The following MYOF variants were observed in gnomAD, a reference collection of about 807,000 sequenced individuals.
The protein encoded by MYOF is myoferlin.
MYOF carries 244 observed loss-of-function variants against 284.2 expected under a neutral mutation model. That is an observed-to-expected ratio of 0.86 (90% CI 0.77 to 0.95). The LOEUF (loss-of-function observed/expected upper bound fraction) is 0.95. Among genes scored for constraint, MYOF ranks in the 40% least tolerant of loss-of-function variants. The pLI is 0.00. For synonymous variants in MYOF, 904 were observed against 919.7 expected (o/e 0.98, Z 0.31); for missense variants, 2,496 against 2,560.6 (o/e 0.97, Z 0.54).
intron 5 of MYOF, among the ~76,000 whole-genome samples, chr10:93,412,074 G>A (rs1564697566): frequency 6.6e-6 from 1 of 152,192 alleles, no homozygotes; most frequent in South Asian, 2.1e-4. Flanking sequence ...GGACCTTAGA[G>A]ATCCTTGATC....
intron 38 of MYOF, 52 bp from the exon 39 acceptor site, chr10:93,340,216 C>T: frequency 6.2e-7 from 1 of 1,605,744 alleles, no homozygotes; most frequent in East Asian, 2.2e-5. Context: ...TAACAGGTCA[C>T]ATAGATATGG....
Position 93,404,051 on chromosome 10 carries a change from C to T in MYOF, c.815G>A (p.Arg272Gln), listed in dbSNP as rs745490419. The change falls in exon 9 of 54, where the codon CGG becomes CAG. Residue 272 changes from arginine to glutamine, a missense_variant. Arg to Gln is a conservative substitution (Grantham distance 43). Around this residue, in one of 3 missense-constraint regions of MYOF, gnomAD observed 2,436 missense variants for 2,480.7 expected, o/e 0.98. Transcript: ENST00000359263. ...SIRVYNSHSL[R>Q]ADCLMGEFKI... ...AAATTCCCCCATCAGACAATCTGCCCGCAGAGAGTGAGAATTATAAACCTG... is the reference window on the plus strand; with the variant it reads ...AAATTCCCCCATCAGACAATCTGCCTGCAGAGAGTGAGAATTATAAACCTG... The T allele has an allele frequency of 3.7e-6, 6 of 1,613,926 alleles. No homozygotes were observed. Among genetic ancestry groups the T allele is most frequent in the African/African-American group, 2.7e-5 (2 of 74,888 alleles).
At chr10:93,336,378 G>A (rs1008736720) in intron 40 of MYOF, among the ~76,000 whole-genome samples, 3 of 152,076 alleles carry the variant, frequency 2.0e-5, no homozygotes, top group African/African-American at 7.3e-5. Flanking sequence ...TCCACACAAT[G>A]GAATACTACT....
intron 12 of MYOF, among the ~76,000 whole-genome samples, chr10:93,400,473 C>T (rs1847228105): frequency 1.3e-5 from 2 of 151,936 alleles, no homozygotes; most frequent in African/African-American, 4.8e-5. Context: ...GCCCATTTGA[C>T]ACATTTTTGA....
chr10:93,431,396 G>A lies in MYOF; in HGVS notation c.345+12C>T. The A allele has an allele frequency of 6.2e-7, 1 of 1,611,146 alleles. No homozygotes were observed. Among genetic ancestry groups the A allele is most frequent in the Non-Finnish European group, 8.5e-7 (1 of 1,177,554 alleles). On this transcript the variant is annotated intron_variant, in intron 4 of 53. Transcript: ENST00000359263. ...CACTTCAAAGCCATTCAATAAGAGA[G>A]AAAACACTCACCCCAGTATCTTGCC...
chr10:93,373,541 A>G (rs1387748768), intron 23 of MYOF, among the ~76,000 whole-genome samples: 1 of 152,172 alleles, frequency 6.6e-6, no homozygotes, highest in Non-Finnish European at 1.5e-5. Context: ...TATAAAGAAG[A>G]TAATCCAGCT....
intron 3 of MYOF, among the ~76,000 whole-genome samples, chr10:93,437,961 A>G (rs1162738047): frequency 6.6e-6 from 1 of 152,186 alleles, no homozygotes; most frequent in Non-Finnish European, 1.5e-5. Flanking sequence ...GGAGCTCCTG[A>G]GCCTCCTCCT....
At chr10:93,406,816 A>C (rs1329893101) in intron 7 of MYOF, among the ~76,000 whole-genome samples, 1 of 152,082 alleles carries the variant, frequency 6.6e-6, no homozygotes, top group Non-Finnish European at 1.5e-5. Flanking sequence ...GGCATAGAAG[A>C]AATCATTTCT....
rs1842474202 is a variant in MYOF at position 93,313,198 on chromosome 10, A to G, written c.5711T>C (p.Leu1904Pro). The G allele has an allele frequency of 3.1e-6, 5 of 1,612,920 alleles. No individual in the cohort carries two copies. The highest frequency in any genetic ancestry group is 1.3e-5 in the African/African-American group (1 of 74,894). ...AGGAATGATCGTGTGACGCAAGTCA[A>G]GTTCTAGGAAACCTAGCCAAGGAAA... ...SLDDYLGFLE[L>P]DLRHTIIPAK... Residue 1904 changes from leucine (L) to proline (P), a missense_variant, in exon 51 of 54, where the codon CTT (leucine) becomes CCT (proline). Around this residue, in one of 3 missense-constraint regions of MYOF, gnomAD observed 2,436 missense variants for 2,480.7 expected, o/e 0.98. Transcript: ENST00000359263.
chr10:93,318,874 G>A (rs912290833), intron 49 of MYOF, among the ~76,000 whole-genome samples: 1 of 152,160 alleles, frequency 6.6e-6, no homozygotes, highest in Non-Finnish European at 1.5e-5. Context: ...TGTGGGGAGA[G>A]GAGGAAGCTG....
intron 15 of MYOF, 145 bp from the exon 16 acceptor site, chr10:93,396,369 CA>C: frequency 1.8e-6 from 1 of 560,814 alleles, no homozygotes. Context: ...TAGTGGGCCT[CA>C]AACTTTATTG....
At chr10:93,340,833 G>C (rs945453661) in intron 38 of MYOF, among the ~76,000 whole-genome samples, 2 of 152,124 alleles carry the variant, frequency 1.3e-5, no homozygotes, top group African/African-American at 4.8e-5. Flanking sequence ...AACTGGGAAG[G>C]GGGGCTTGAA....
chr10:93,353,868 G>T lies in MYOF; in HGVS notation c.3424C>A (p.Arg1142Ser), dbSNP rs543442746. ...TTTCTGGCTTGATAGACATAGCAGC[G>T]CAGATGGTAGATGTAGACTCCTAAA... is the stretch of plus-strand genomic sequence containing the variant. ...NFDRVYIYHL[R>S]CYVYQARNLL... The change falls in exon 32 of 54, where the codon CGC (arginine) becomes AGC (serine). Residue 1142 changes from arginine (R) to serine (S), a missense_variant. Coordinates refer to ENST00000359263, the MANE Select transcript of MYOF (RefSeq NM_013451.4). 1 of 1,609,264 alleles carries T rather than the reference G, an allele frequency of 6.2e-7. No individual in the cohort carries two copies. The highest frequency in any genetic ancestry group is 2.2e-5 in the East Asian group (1 of 44,750).
intron 43 of MYOF, 65 bp from the exon 44 acceptor site, chr10:93,329,899 C>A: frequency 1.3e-6 from 2 of 1,538,486 alleles, no homozygotes; most frequent in Admixed American, 1.7e-5. Context: ...AAAACTGGGG[C>A]TCTGTGCACA....
chr10:93,329,876 T>G, intron 43 of MYOF, 42 bp from the exon 44 acceptor site: 1 of 1,602,092 alleles, frequency 6.2e-7, no homozygotes, highest in Non-Finnish European at 8.5e-7. Flanking sequence ...ATGATCCATC[T>G]GAGTACCTCA....
intron 6 of MYOF, 103 bp from the exon 7 acceptor site, chr10:93,409,018 C>A: frequency 6.5e-7 from 1 of 1,542,738 alleles, no homozygotes. Context: ...GGATTGCTAA[C>A]ACCAGGCCAG....
At chr10:93,434,444 AAAAC>A (rs1849021918) in intron 3 of MYOF, among the ~76,000 whole-genome samples, 1 of 150,982 alleles carries the variant, frequency 6.6e-6, no homozygotes, top group Non-Finnish European at 1.5e-5. Flanking sequence ...AAAAAAAAAA[AAAAC>A]AAAAAAGAAT....
chr10:93,364,060 T>A lies in MYOF; in HGVS notation c.2769A>T (p.Ala923=), dbSNP rs1183508624. 6.2e-6 allele frequency: 10 copies of A among 1,614,012 alleles called. No individual in the cohort carries two copies. In the South Asian group the frequency reaches 9.9e-5, roughly 16 times the overall value. Residue 923 remains alanine, a synonymous_variant, in exon 27 of 54, where the codon GCA becomes GCT. Coordinates refer to ENST00000359263, the MANE Select transcript of MYOF (RefSeq NM_013451.4). ...VDPERSLLTE[A]DAGHTEFTDE... ...CAGTGAACTCCGTGTGACCTGCATCTGCCTCAGTCAGCAAGCTGTGGGGCG... is the reference window on the plus strand; with the variant it reads ...CAGTGAACTCCGTGTGACCTGCATCAGCCTCAGTCAGCAAGCTGTGGGGCG...
intron 5 of MYOF, among the ~76,000 whole-genome samples, chr10:93,422,766 G>A (rs781745585): frequency 3.3e-5 from 5 of 152,004 alleles, no homozygotes; most frequent in Non-Finnish European, 7.4e-5. Flanking sequence ...ACTGCACTCC[G>A]GCCTGGGTGA....
Sources: gnomAD v4.1 joint callset for allele counts (sites outside exome capture counted in the v4.1 genomes callset) on GRCh38, gnomAD v4.1.1 for gene constraint, gnomAD v4.1.1 regional missense constraint, MANE v1.5 for transcripts, NCBI Gene and HGNC (gene_info 2026-07-23, HGNC 2026-07-21) for gene names.